PSAP: variants seen among roughly 807,000 people sequenced by gnomAD.
PSAP encodes the protein precursor of saposins.
Under a neutral mutation model 66.0 loss-of-function variants are expected in PSAP, and 25 were observed. That is an observed-to-expected ratio of 0.38 (90% CI 0.28 to 0.53). The LOEUF is 0.53. Among genes scored for constraint, PSAP ranks in the 20% least tolerant of loss-of-function variants. PSAP has a pLI of 0.83. For synonymous variants in PSAP, 273 were observed against 258.9 expected (o/e 1.05, Z -0.52); for missense variants, 649 against 668.8 (o/e 0.97, Z 0.33).
At chr10:71,832,942 G>A (rs1842546987) in intron 2 of PSAP, among the ~76,000 whole-genome samples, 3 of 150,402 alleles carry the variant, frequency 2.0e-5, no homozygotes, top group South Asian at 4.2e-4. Flanking sequence ...GCTTGAACCC[G>A]GGAGGCGGAG....
intron 13 of PSAP, among the ~76,000 whole-genome samples, chr10:71,818,375 CA>C (rs147455651): frequency 3.3e-4 from 50 of 152,024 alleles, no homozygotes; most frequent in African/African-American, 1.2e-3. Context: ...AAAGCAGAAG[CA>C]AAAAAATACT....
chr10:71,821,754 G>A, intron 8 of PSAP, 122 bp downstream of exon 8: 6 of 1,352,094 alleles, frequency 4.4e-6, no homozygotes, highest in Non-Finnish European at 6.2e-6. Context: ...CAAACTCAAA[G>A]ACCTTTAGGA....
intron 7 of PSAP, among the ~76,000 whole-genome samples, chr10:71,823,542 T>A (rs117783155): frequency 6.6e-6 from 1 of 152,168 alleles, no homozygotes; most frequent in Non-Finnish European, 1.5e-5. Context: ...CTGGCCTACG[T>A]TGAAGGAGGC....
chr10:71,826,486 T>C (rs535495638), intron 6 of PSAP, among the ~76,000 whole-genome samples: 126 of 152,330 alleles, frequency 8.3e-4, no homozygotes, highest in Middle Eastern at 3.4e-3. Context: ...CCTGTTTAAA[T>C]GGTGTTATGC....
intron 1 of PSAP, among the ~76,000 whole-genome samples, chr10:71,841,726 C>T (rs1842736901): frequency 6.6e-6 from 1 of 152,114 alleles, no homozygotes; most frequent in Non-Finnish European, 1.5e-5. Flanking sequence ...CAAAAAATGG[C>T]CAGGTGCAGT....
chr10:71,824,989 G>A (rs760109141), intron 7 of PSAP, among the ~76,000 whole-genome samples: 3 of 152,216 alleles, frequency 2.0e-5, no homozygotes, highest in Middle Eastern at 3.4e-3. Context: ...TGCTTGAGTG[G>A]TTACAGCAGG....
chr10:71,825,907 A>G lies in PSAP; in HGVS notation c.721-14T>C. Reference sequence around the variant, plus strand: ...ATAGTTCTTGCACTGAGGAGAGAGAAACAGATTGCTAAACAAATCACTGCA... The same window carrying G: ...ATAGTTCTTGCACTGAGGAGAGAGAGACAGATTGCTAAACAAATCACTGCA... On this transcript the variant is annotated splice_polypyrimidine_tract_variant and intron_variant, in intron 6 of 13. Transcript: ENST00000394936. The G allele has an allele frequency of 6.2e-7, 1 of 1,610,410 alleles. No individual in the cohort carries two copies. The highest frequency in any genetic ancestry group is 1.3e-5 in the African/African-American group (1 of 74,968).
rs374922455 is a variant in PSAP, at chr10:71,834,497, C to T, written c.49G>A (p.Gly17Ser). The T allele has an allele frequency of 9.9e-6, 16 of 1,613,734 alleles. No individual in the cohort carries two copies. Among genetic ancestry groups the T allele is most frequent in the African/African-American group, 8.0e-5 (6 of 74,894 alleles). ...LASLLGAALA[G>S]PVLGLKECTR... Reference sequence around the variant, plus strand: ...CATTCTTTCAGTCCAAGGACCGGGCCGGCTAGAGCTAAAATGAAAACCAAC... The same window carrying T: ...CATTCTTTCAGTCCAAGGACCGGGCTGGCTAGAGCTAAAATGAAAACCAAC... Residue 17 changes from glycine to serine, a missense_variant, in exon 2 of 14, where the codon GGC becomes AGC. Transcript: ENST00000394936.
Position 71,825,851 on chromosome 10 carries a change from T to A in PSAP, c.763A>T (p.Met255Leu), listed in dbSNP as rs773349568. The A allele has an allele frequency of 1.2e-6, 2 of 1,613,410 alleles. No individual in the cohort carries two copies. The highest frequency in any genetic ancestry group is 1.7e-6 in the Non-Finnish European group (2 of 1,179,458). ...ISQYSEIAIQMMMHMQPKEIC... is the reference protein window; with the variant it reads ...ISQYSEIAIQLMMHMQPKEIC... ...GTGCCACCTACCATGTGCATCATCA[T>A]CTGGATAGCAATTTCAGAATACTGG... The change falls in exon 7 of 14, where the codon ATG becomes TTG. Residue 255 changes from methionine to leucine, a missense_variant. Met to Leu is a conservative substitution (Grantham distance 15). Coordinates refer to ENST00000394936, the MANE Select transcript of PSAP (RefSeq NM_002778.4).
intron 1 of PSAP, among the ~76,000 whole-genome samples, chr10:71,837,580 C>T (rs1253460411): frequency 6.6e-6 from 1 of 152,252 alleles, no homozygotes; most frequent in Non-Finnish European, 1.5e-5. Flanking sequence ...GCATGGCTAC[C>T]AGCTCCACTG....
At chr10:71,833,063 C>G (rs1436985733) in intron 2 of PSAP, among the ~76,000 whole-genome samples, 1 of 144,768 alleles carries the variant, frequency 6.9e-6, no homozygotes, top group Non-Finnish European at 1.5e-5. Flanking sequence ...CGGGCCATGA[C>G]AAGACCAGCC....
intron 1 of PSAP, among the ~76,000 whole-genome samples, chr10:71,839,802 C>A (rs565162947): frequency 6.6e-6 from 1 of 152,082 alleles, no homozygotes; most frequent in Non-Finnish European, 1.5e-5. Context: ...TGTAGTAAGC[C>A]GAGATCACGC....
rs369954311 is a variant in PSAP, at chr10:71,839,762, G to A, written c.41-5257C>T. The stretch of plus-strand genomic sequence containing the variant: ...CCAGCTACTCAGGAGGCTGAGGCAG[G>A]AGAATCGCTTGAACTCAGGAGGCAG... On this transcript the variant is annotated intron_variant, in intron 1 of 13. Transcript: ENST00000394936. 1.5e-4 allele frequency among the ~76,000 whole-genome samples: 23 copies of A among 152,242 alleles called. No homozygotes were observed. In the South Asian group the frequency reaches 4.8e-3, roughly 32 times the overall value.
In PSAP at chr10:71,816,843, C is replaced by G; in HGVS notation, c.*598G>C. 2 of 199,236 alleles carry G rather than the reference C, an allele frequency of 1.0e-5. No individual in the cohort carries two copies. Among genetic ancestry groups the G allele is most frequent in the Non-Finnish European group, 2.1e-5 (2 of 93,646 alleles). 12.3% of individuals were successfully genotyped at this position (199,236 alleles called of 1,614,324 possible). ...CACAGTTGAACCAGGGACAGAGAAC[C>G]CTTGGCCCCACTGATGTCCCAAGCC... On this transcript the variant is annotated 3_prime_UTR_variant, in exon 14 of 14. Coordinates refer to ENST00000394936, the MANE Select transcript of PSAP (RefSeq NM_002778.4).
At chr10:71,824,566 C>G (rs1030655032) in intron 7 of PSAP, among the ~76,000 whole-genome samples, 4 of 152,194 alleles carry the variant, frequency 2.6e-5, no homozygotes, top group Non-Finnish European at 5.9e-5. Flanking sequence ...CTAGATACAT[C>G]CGGCCACCGG....
chr10:71,818,704 C>T lies in PSAP; in HGVS notation c.1452G>A (p.Ser484=), dbSNP rs114389264. The change falls in exon 13 of 14, where the codon TCG becomes TCA. Residue 484 remains serine (S), a synonymous_variant. Transcript: ENST00000394936. ...FVCLKIGACP[S]AHKPLLGTEK... ...CAGTTCCCAACAAGGGCTTATGGGC[C>T]GAGGGGCAGGCTCCAATTTTCTATA... 2,056 of 1,613,902 alleles carry T rather than the reference C, an allele frequency of 1.3e-3. 26 individuals are homozygous for T. In the African/African-American group the frequency reaches 0.025, roughly 19 times the overall value.
In PSAP at chr10:71,846,600, C is replaced by A. The variant is rs191649834; in HGVS notation, c.40+4582G>T. On this transcript the variant is annotated intron_variant, in intron 1 of 13. Coordinates refer to ENST00000394936, the MANE Select transcript of PSAP (RefSeq NM_002778.4). ...ATTAGCCAGGCATGGTGGCAGGTGC[C>A]TGCAATCCCAGCTATCAGCTACCTG... Among the ~76,000 whole-genome samples, 263 of 151,970 alleles carry A rather than the reference C, an allele frequency of 1.7e-3. 1 individual carries two copies. The highest frequency in any genetic ancestry group is 6.0e-3 in the African/African-American group (250 of 41,468).
intron 1 of PSAP, among the ~76,000 whole-genome samples, chr10:71,837,453 C>T (rs1842647333): frequency 6.6e-6 from 1 of 152,242 alleles, no homozygotes; most frequent in African/African-American, 2.4e-5. Flanking sequence ...CTTTATTACA[C>T]ACACATTTCT....
In PSAP at chr10:71,825,826, G is replaced by A. The variant is rs749373571; in HGVS notation, c.777+11C>T. 14 of 1,610,214 alleles carry A rather than the reference G, an allele frequency of 8.7e-6. No homozygotes were observed. The highest frequency in any genetic ancestry group is 4.4e-5 in the South Asian group (4 of 90,990). On this transcript the variant is annotated intron_variant, in intron 7 of 13. Coordinates refer to ENST00000394936, the MANE Select transcript of PSAP (RefSeq NM_002778.4). ...AGAAAAATGCTAACAAGGGGCCTCCGTGCCACCTACCATGTGCATCATCAT... is the reference window on the plus strand; with the variant it reads ...AGAAAAATGCTAACAAGGGGCCTCCATGCCACCTACCATGTGCATCATCAT...
Sources: allele counts gnomAD v4.1 joint callset (sites outside exome capture counted in the v4.1 genomes callset), GRCh38; gene constraint gnomAD v4.1.1; transcripts MANE v1.5; gene names NCBI Gene and HGNC (gene_info 2026-07-23, HGNC 2026-07-21).